The following BZW2 variants were observed in gnomAD, a reference collection of about 807,000 sequenced individuals.
BZW2 encodes eIF5-mimic protein 1.
Under a neutral mutation model 53.2 loss-of-function variants are expected in BZW2, and 23 were observed. The observed-to-expected ratio is 0.43, with a 90% CI of 0.31 to 0.61. The LOEUF is 0.61. Among genes scored for constraint, BZW2 ranks in the 20% least tolerant of loss-of-function variants. The pLI, the probability that BZW2 is intolerant of heterozygous loss-of-function variation, is 0.09. For synonymous variants in BZW2, 227 were observed against 186.4 expected, an observed-to-expected ratio of 1.22 and a Z score of -1.77; for missense variants, 409 against 503.1, an observed-to-expected ratio of 0.81 and a Z score of 1.79.
intron 5 of BZW2, among the ~76,000 whole-genome samples, chr7:16,683,572 C>A (rs1182169572): frequency 6.6e-6 from 1 of 152,228 alleles, no homozygotes; most frequent in African/African-American, 2.4e-5. Context: ...AATAAAAGCA[C>A]CTCTTTGGAG....
chr7:16,666,479 T>C (rs1782432269), intron 2 of BZW2, among the ~76,000 whole-genome samples: 1 of 151,906 alleles, frequency 6.6e-6, no homozygotes, highest in South Asian at 2.1e-4. Flanking sequence ...CTCGGCTCAC[T>C]GCAACCTCCT....
chr7:16,693,132 A>G (rs547369331), intron 7 of BZW2, among the ~76,000 whole-genome samples: 1 of 152,342 alleles, frequency 6.6e-6, no homozygotes, highest in South Asian at 2.1e-4. Context: ...TTGACTCTCA[A>G]CAGGATCACT....
intron 7 of BZW2, among the ~76,000 whole-genome samples, chr7:16,692,482 G>T (rs530942729): frequency 2.6e-5 from 4 of 152,102 alleles, no homozygotes; most frequent in Non-Finnish European, 5.9e-5. Context: ...TTAAGTAGGG[G>T]CCAGGTGTGG....
At chr7:16,663,921 A>G (rs1213588808) in intron 1 of BZW2, among the ~76,000 whole-genome samples, 1 of 152,222 alleles carries the variant, frequency 6.6e-6, no homozygotes, top group African/African-American at 2.4e-5. Context: ...TATTAAATCC[A>G]GTAAAATAGT....
chr7:16,647,660 A>G (rs1435166505), intron 1 of BZW2, among the ~76,000 whole-genome samples: 2 of 152,224 alleles, frequency 1.3e-5, no homozygotes, highest in East Asian at 3.8e-4. Context: ...TGGCTGTTCA[A>G]GCAAGTAGTA....
intron 1 of BZW2, among the ~76,000 whole-genome samples, chr7:16,647,113 T>C (rs1562471707): frequency 6.6e-6 from 1 of 152,198 alleles, no homozygotes; most frequent in Non-Finnish European, 1.5e-5. Context: ...AATACAAGTG[T>C]GTATTTCAGA....
intron 10 of BZW2, among the ~76,000 whole-genome samples, chr7:16,699,142 A>G (rs1783590903): frequency 6.6e-6 from 1 of 152,158 alleles, no homozygotes; most frequent in African/African-American, 2.4e-5. Flanking sequence ...TTTGGGTGAT[A>G]TTTTACTTTT....
chr7:16,677,495 A>G (rs1468940209), intron 3 of BZW2, among the ~76,000 whole-genome samples: 1 of 152,140 alleles, frequency 6.6e-6, no homozygotes, highest in African/African-American at 2.4e-5. Flanking sequence ...GGGGTTGTGT[A>G]GTTGAGATTT....
chr7:16,681,842 AAG>A (rs1226099257), intron 4 of BZW2, among the ~76,000 whole-genome samples: 1 of 152,202 alleles, frequency 6.6e-6, no homozygotes, highest in Admixed American at 6.5e-5. Context: ...ACAAAACAAA[AAG>A]AACTACAAGA....
chr7:16,694,757 A>T (rs934427201), intron 7 of BZW2, 77 bp from the exon 8 acceptor site: 2 of 1,191,242 alleles, frequency 1.7e-6, no homozygotes, highest in Admixed American at 2.4e-5. Context: ...ATTCTAAGTG[A>T]AATGAAGACT....
In BZW2 at chr7:16,694,302, T is replaced by C. The variant is rs1583747610; in HGVS notation, c.652-532T>C. 2.0e-5 allele frequency among the ~76,000 whole-genome samples: 3 copies of C among 152,316 alleles called. 1 individual carries two copies. The highest frequency in any genetic ancestry group is 4.4e-5 in the Non-Finnish European group (3 of 68,018). On this transcript the variant is annotated intron_variant, in intron 7 of 11. Coordinates refer to ENST00000258761, the MANE Select transcript of BZW2 (RefSeq NM_014038.3). ...AGAATACCTGAAACTGGGTTATTTA[T>C]ACAGAAAAGGAACTTATTTCTTAAC...
intron 1 of BZW2, among the ~76,000 whole-genome samples, chr7:16,655,221 G>A (rs1307670181): frequency 6.6e-6 from 1 of 152,058 alleles, no homozygotes; most frequent in Non-Finnish European, 1.5e-5. Flanking sequence ...AGACTCCAGA[G>A]GAAATTCTAA....
chr7:16,665,313 A>T (rs943093817), intron 1 of BZW2, 124 bp from the exon 2 acceptor site: 1 of 1,211,278 alleles, frequency 8.3e-7, no homozygotes, highest in Admixed American at 2.0e-5. Flanking sequence ...CAATTGAAAA[A>T]AAAAAAGAGG....
chr7:16,687,678 A>G (rs1013729745), intron 6 of BZW2: 1 of 152,172 alleles, frequency 6.6e-6, no homozygotes, highest in Non-Finnish European at 1.5e-5. Flanking sequence ...CTATAATCAC[A>G]TCATCTTACT....
At chr7:16,662,232 A>C (rs1782288505) in intron 1 of BZW2, 1 of 152,100 alleles carries the variant, frequency 6.6e-6, no homozygotes, top group Non-Finnish European at 1.5e-5. Context: ...GAATATCTTT[A>C]TTTAGTCTGT....
intron 2 of BZW2, among the ~76,000 whole-genome samples, chr7:16,668,184 T>A (rs561759152): frequency 6.6e-6 from 1 of 152,182 alleles, no homozygotes. Flanking sequence ...TTTATTAGTG[T>A]GACGCTAATT....
chr7:16,689,654 G>A, intron 6 of BZW2, 143 bp from the exon 7 acceptor site: 1 of 523,586 alleles, frequency 1.9e-6, no homozygotes, highest in Non-Finnish European at 3.3e-6. Context: ...AGGAGAATTT[G>A]CCTAGAGGTC....
chr7:16,657,033 C>T (rs1184265664), intron 1 of BZW2, among the ~76,000 whole-genome samples: 1 of 152,154 alleles, frequency 6.6e-6, no homozygotes, highest in Non-Finnish European at 1.5e-5. Context: ...ATCCAAGAAA[C>T]TTTGGTTTCT....
intron 8 of BZW2, among the ~76,000 whole-genome samples, chr7:16,695,217 A>C (rs890542446): frequency 2.6e-5 from 4 of 152,256 alleles, no homozygotes; most frequent in African/African-American, 9.6e-5. Flanking sequence ...AGAAATTAAT[A>C]GTGATTTCCA....
Sources: gnomAD v4.1 joint callset for allele counts (sites outside exome capture counted in the v4.1 genomes callset) on GRCh38, gnomAD v4.1.1 for gene constraint, MANE v1.5 for transcripts, NCBI Gene and HGNC (gene_info 2026-07-23, HGNC 2026-07-21) for gene names.